Variants in RBFOX1 observed in about 807,000 individuals in gnomAD.
RBFOX1 encodes RNA binding protein fox-1 homolog 1.
Under a neutral mutation model 57.7 loss-of-function variants are expected in RBFOX1, and 8 were observed. The ratio of observed to expected loss-of-function variants is 0.14; its 90% CI spans 0.08 to 0.25. The LOEUF is 0.25. Ranked by LOEUF, RBFOX1 falls within the 10% of genes least tolerant of loss-of-function variation. The pLI is 1.00. For synonymous variants in RBFOX1, 326 were observed against 222.4 expected (o/e 1.47, Z -4.15); for missense variants, 611 against 548.5 (o/e 1.11, Z -1.14).
chr16:6,755,039 A>T (rs201103857), intron 3 of RBFOX1, among the ~76,000 whole-genome samples: 2 of 152,120 alleles, frequency 1.3e-5, no homozygotes, highest in African/African-American at 4.8e-5. Context: ...TGAACTCATC[A>T]TTTTTTATGG....
intron 4 of RBFOX1, among the ~76,000 whole-genome samples, chr16:7,392,348 T>C (rs950284693): frequency 6.6e-6 from 1 of 152,194 alleles, no homozygotes; most frequent in Non-Finnish European, 1.5e-5. Flanking sequence ...TGTTTGCATT[T>C]GGACAATGGC....
intron 4 of RBFOX1, among the ~76,000 whole-genome samples, chr16:7,234,281 C>T (rs2093655798): frequency 6.6e-6 from 1 of 151,990 alleles, no homozygotes; most frequent in South Asian, 2.1e-4. Flanking sequence ...AGCAAAAGAG[C>T]TCATTTCTCA....
chr16:5,408,119 C>T (rs1301959969), intron 1 of RBFOX1, among the ~76,000 whole-genome samples: 1 of 152,184 alleles, frequency 6.6e-6, no homozygotes, highest in Non-Finnish European at 1.5e-5. Context: ...GTTCCTCCTC[C>T]TGTCCAGTTG....
intron 2 of RBFOX1, among the ~76,000 whole-genome samples, chr16:5,533,609 A>G (rs527891148): frequency 7.2e-5 from 11 of 152,176 alleles, no homozygotes; most frequent in Admixed American, 3.3e-4. Context: ...ACATCTCAGC[A>G]TGGATGAGAT....
At chr16:6,861,682 TATA>T (rs1487372088) in intron 3 of RBFOX1, among the ~76,000 whole-genome samples, 1 of 152,064 alleles carries the variant, frequency 6.6e-6, no homozygotes, top group Non-Finnish European at 1.5e-5. Flanking sequence ...TTTCACTGTG[TATA>T]ATGAGGTCAA....
intron 3 of RBFOX1, among the ~76,000 whole-genome samples, chr16:6,877,290 A>G (rs1296225894): frequency 6.6e-6 from 1 of 152,210 alleles, no homozygotes; most frequent in Non-Finnish European, 1.5e-5. Context: ...ACTTGGAGGT[A>G]TGCTTCTATC....
At chr16:7,694,857 C>T (rs1383385125) in intron 14 of RBFOX1, among the ~76,000 whole-genome samples, 1 of 152,140 alleles carries the variant, frequency 6.6e-6, no homozygotes, top group Admixed American at 6.5e-5. Flanking sequence ...TCATAGGCCT[C>T]ATGTATAGAT....
At chr16:7,609,286 T>C (rs1048407522) in intron 10 of RBFOX1, among the ~76,000 whole-genome samples, 1 of 152,118 alleles carries the variant, frequency 6.6e-6, no homozygotes, top group African/African-American at 2.4e-5. Context: ...GCAAAATGCA[T>C]TTTTACATTT....
At chr16:7,524,728 G>A (rs1026611222) in intron 5 of RBFOX1, among the ~76,000 whole-genome samples, 13 of 152,162 alleles carry the variant, frequency 8.5e-5, no homozygotes, top group African/African-American at 2.9e-4. Context: ...GGCCTCAGCC[G>A]CTTCCCACTG....
At chr16:6,520,071 C>G (rs558224568) in intron 2 of RBFOX1, among the ~76,000 whole-genome samples, 1 of 152,156 alleles carries the variant, frequency 6.6e-6, no homozygotes, top group Non-Finnish European at 1.5e-5. Flanking sequence ...TTTCTTATTT[C>G]GTGACCAGAG....
chr16:6,050,524 C>G (rs914679148), intron 1 of RBFOX1, among the ~76,000 whole-genome samples: 1 of 152,108 alleles, frequency 6.6e-6, no homozygotes, highest in Non-Finnish European at 1.5e-5. Flanking sequence ...GTACATTGAT[C>G]GATTGTCTCC....
intron 4 of RBFOX1, among the ~76,000 whole-genome samples, chr16:7,140,698 T>G (rs188078139): frequency 7.0e-4 from 107 of 152,240 alleles, no homozygotes; most frequent in African/African-American, 2.5e-3. Flanking sequence ...CAGAGTGATA[T>G]CCTGTGCAAT....
At chr16:6,982,632 T>G (rs1568213486) in intron 3 of RBFOX1, among the ~76,000 whole-genome samples, 1 of 152,198 alleles carries the variant, frequency 6.6e-6, no homozygotes, top group Non-Finnish European at 1.5e-5. Flanking sequence ...AGCCCTTTCT[T>G]GCACATTGTC....
intron 4 of RBFOX1, among the ~76,000 whole-genome samples, chr16:7,351,828 G>T (rs1221209000): frequency 6.6e-6 from 1 of 152,148 alleles, no homozygotes; most frequent in Non-Finnish European, 1.5e-5. Flanking sequence ...CACACATTCT[G>T]CCTCTCAATC....
At chr16:6,470,343 G>C (rs77408075) in intron 2 of RBFOX1, among the ~76,000 whole-genome samples, 2,838 of 152,242 alleles carry the variant, frequency 0.019, 79 homozygotes, top group African/African-American at 0.062. Flanking sequence ...GTATAAACTA[G>C]TCATGGATAT....
intron 4 of RBFOX1, among the ~76,000 whole-genome samples, chr16:5,894,679 A>G (rs1414444307): frequency 1.3e-5 from 2 of 152,210 alleles, no homozygotes; most frequent in East Asian, 3.8e-4. Flanking sequence ...AATGAGAAAT[A>G]CATTGGACCA....
chr16:7,493,696 A>T (rs1473988099), intron 4 of RBFOX1, among the ~76,000 whole-genome samples: 4 of 152,226 alleles, frequency 2.6e-5, no homozygotes, highest in African/African-American at 9.6e-5. Flanking sequence ...AGAAGCTCAA[A>T]AATGGCAAAG....
intron 4 of RBFOX1, among the ~76,000 whole-genome samples, chr16:7,213,019 G>C (rs1351792974): frequency 6.6e-6 from 1 of 152,104 alleles, no homozygotes; most frequent in Non-Finnish European, 1.5e-5. Context: ...ATATGATTGT[G>C]CCTACCCTTG....
At chr16:6,063,570 C>A (rs1198405207) in intron 1 of RBFOX1, among the ~76,000 whole-genome samples, 1 of 151,798 alleles carries the variant, frequency 6.6e-6, no homozygotes, top group Non-Finnish European at 1.5e-5. Context: ...CACCCACCAC[C>A]AAAACTACAT....
Sources: gnomAD v4.1 joint callset for allele counts (sites outside exome capture counted in the v4.1 genomes callset) on GRCh38, gnomAD v4.1.1 for gene constraint, MANE v1.5 for transcripts, NCBI Gene and HGNC (gene_info 2026-07-23, HGNC 2026-07-21) for gene names.